COL10A1: variants seen among roughly 807,000 people sequenced by gnomAD.
The protein encoded by COL10A1 is collagen alpha-1(X) chain.
A neutral mutation model predicts 18.2 loss-of-function variants in COL10A1; 10 were observed. The ratio of observed to expected loss-of-function variants is 0.55; its 90% CI spans 0.34 to 0.93. The LOEUF is 0.93. COL10A1 is among the 40% of genes least tolerant of loss of function. The pLI, the probability that COL10A1 is intolerant of heterozygous loss-of-function variation, is 0.02. For synonymous variants in COL10A1, 330 were observed against 316.6 expected, an observed-to-expected ratio of 1.04 and a Z score of -0.45; for missense variants, 897 against 853.5, an observed-to-expected ratio of 1.05 and a Z score of -0.64.
chr6:116,199,916 T>G, the COL10A1 span, among the ~76,000 whole-genome samples: 3 of 151,718 alleles, frequency 2.0e-5, no homozygotes, highest in African/African-American at 7.3e-5. Flanking sequence ...ACATTTTACC[T>G]TCAAGAAGGT....
chr6:116,181,747 A>G, the COL10A1 span, among the ~76,000 whole-genome samples: 13 of 152,092 alleles, frequency 8.5e-5, no homozygotes, highest in African/African-American at 3.1e-4. Context: ...GATTGAGAGA[A>G]ATAACTGAAG....
At chr6:116,211,987 C>T in the COL10A1 span, among the ~76,000 whole-genome samples, 1 of 151,970 alleles carries the variant, frequency 6.6e-6, no homozygotes, top group East Asian at 1.9e-4. Flanking sequence ...GATAAGAACC[C>T]AGGCTTAGGG....
At chr6:116,215,872 A>C in the COL10A1 span, among the ~76,000 whole-genome samples, 1 of 152,134 alleles carries the variant, frequency 6.6e-6, no homozygotes, top group Non-Finnish European at 1.5e-5. Flanking sequence ...CCGACCCAAA[A>C]TCATATTTAT....
chr6:116,198,915 CAG>C, the COL10A1 span, among the ~76,000 whole-genome samples: 5 of 151,980 alleles, frequency 3.3e-5, no homozygotes, highest in Non-Finnish European at 7.4e-5. Context: ...AGAATATAAA[CAG>C]TGTAAATTAG....
the COL10A1 span, among the ~76,000 whole-genome samples, chr6:116,174,246 C>T: frequency 2.0e-5 from 3 of 152,104 alleles, no homozygotes; most frequent in Non-Finnish European, 4.4e-5. Flanking sequence ...TTTTTGAAAG[C>T]AAGTCACTAA....
upstream of COL10A1, among the ~76,000 whole-genome samples, chr6:116,127,862 G>A (rs930333104): frequency 3.9e-5 from 6 of 152,132 alleles, no homozygotes; most frequent in African/African-American, 9.7e-5. Context: ...ATGCCCCTGT[G>A]TATACCATTT....
chr6:116,200,709 TTTAA>T, the COL10A1 span, among the ~76,000 whole-genome samples: 34 of 152,156 alleles, frequency 2.2e-4, no homozygotes, highest in African/African-American at 7.5e-4. Flanking sequence ...CTGGGTGATA[TTTAA>T]TGTCCTTATG....
chr6:116,151,896 CTG>C (rs1187870732), intron 1 of COL10A1, among the ~76,000 whole-genome samples: 2 of 152,146 alleles, frequency 1.3e-5, no homozygotes, highest in African/African-American at 2.4e-5. Context: ...TTCTGAAACA[CTG>C]ATGCATTTAT....
chr6:116,137,330 A>G (rs532655264), intron 1 of COL10A1: 1 of 163,256 alleles, frequency 6.1e-6, no homozygotes, highest in Non-Finnish European at 1.4e-5. Flanking sequence ...GTGCAGGGTA[A>G]TCCAGAGCTG....
At chr6:116,170,903 T>C in the COL10A1 span, among the ~76,000 whole-genome samples, 2 of 152,150 alleles carry the variant, frequency 1.3e-5, no homozygotes, top group Admixed American at 1.3e-4. Flanking sequence ...TAAGGTCACC[T>C]CCTCCCTTAA....
chr6:116,180,284 GAA>G, the COL10A1 span, among the ~76,000 whole-genome samples: 1 of 152,148 alleles, frequency 6.6e-6, no homozygotes, highest in East Asian at 1.9e-4. Context: ...TAAAAGGAAA[GAA>G]TGAAACAATT....
the COL10A1 span, among the ~76,000 whole-genome samples, chr6:116,214,398 C>A: frequency 6.6e-6 from 1 of 152,012 alleles, no homozygotes; most frequent in Non-Finnish European, 1.5e-5. Context: ...TATCAGATAA[C>A]GTTAAATATG....
At chr6:116,170,373 A>G in the COL10A1 span, among the ~76,000 whole-genome samples, 1 of 152,172 alleles carries the variant, frequency 6.6e-6, no homozygotes, top group African/African-American at 2.4e-5. Context: ...TTCGAAGTCT[A>G]TTCTGCCACG....
the COL10A1 span, among the ~76,000 whole-genome samples, chr6:116,164,310 A>T: frequency 6.6e-6 from 1 of 152,064 alleles, no homozygotes; most frequent in Non-Finnish European, 1.5e-5. Flanking sequence ...AAATCTTCTT[A>T]TTGAGTTGAA....
the COL10A1 span, among the ~76,000 whole-genome samples, chr6:116,203,326 C>T: frequency 4.0e-5 from 6 of 151,870 alleles, no homozygotes; most frequent in Admixed American, 1.3e-4. Flanking sequence ...TAAATGTGAA[C>T]ATATTTTCAG....
At chr6:116,126,028 A>G (rs1779290683) in intron 1 of COL10A1, 25 bp downstream of exon 1, 2 of 156,430 alleles carry the variant, frequency 1.3e-5, no homozygotes, top group African/African-American at 4.8e-5. Flanking sequence ...TTAACATGGA[A>G]GTCCACCAGT....
the COL10A1 span, among the ~76,000 whole-genome samples, chr6:116,204,060 T>C: frequency 6.6e-6 from 1 of 151,796 alleles, no homozygotes; most frequent in Non-Finnish European, 1.5e-5. Context: ...CTGACCCAGC[T>C]CACTTTGGGC....
upstream of COL10A1, among the ~76,000 whole-genome samples, chr6:116,159,537 A>G (rs1337613759): frequency 6.6e-6 from 1 of 152,182 alleles, no homozygotes; most frequent in Non-Finnish European, 1.5e-5. Context: ...CATGTGAATA[A>G]TTTGCAAACT....
At chr6:116,152,573 G>A (rs946477606) in intron 1 of COL10A1, among the ~76,000 whole-genome samples, 13 of 152,096 alleles carry the variant, frequency 8.5e-5, no homozygotes, top group African/African-American at 2.2e-4. Context: ...TCTCACATGG[G>A]ACTTTCATCC....
Sources: gnomAD v4.1 joint callset for allele counts (sites outside exome capture counted in the v4.1 genomes callset) on GRCh38, gnomAD v4.1.1 for gene constraint, MANE v1.5 for transcripts, NCBI Gene and HGNC (gene_info 2026-07-23, HGNC 2026-07-21) for gene names.